The following HPSE2 variants were observed in gnomAD, a reference collection of about 807,000 sequenced individuals.
The protein encoded by HPSE2 is heparanase 2 (inactive).
HPSE2 carries 38 observed loss-of-function variants against 60.5 expected under a neutral mutation model. The ratio of observed to expected loss-of-function variants is 0.63; its 90% CI spans 0.48 to 0.82. The LOEUF is 0.82. Ranked by LOEUF, HPSE2 falls within the 40% of genes least tolerant of loss-of-function variation. HPSE2 has a pLI of 0.00. For missense variants in HPSE2, 713 were observed against 740.4 expected (o/e 0.96, Z 0.43); for synonymous variants, 295 against 293.2 (o/e 1.01, Z -0.06).
chr10:98,806,926 G>A (rs912845343), intron 3 of HPSE2, among the ~76,000 whole-genome samples: 3 of 152,040 alleles, frequency 2.0e-5, no homozygotes, highest in East Asian at 1.9e-4. Context: ...GGCGAATCAC[G>A]AGGTCAGGAG....
intron 7 of HPSE2, among the ~76,000 whole-genome samples, chr10:98,624,934 G>C (rs1946168167): frequency 6.6e-6 from 1 of 152,200 alleles, no homozygotes; most frequent in South Asian, 2.1e-4. Context: ...CTTACGGTTT[G>C]GTGGTAGGAT....
At chr10:99,092,684 C>CAA (rs1449587239) in intron 3 of HPSE2, among the ~76,000 whole-genome samples, 3 of 152,156 alleles carry the variant, frequency 2.0e-5, no homozygotes, top group African/African-American at 4.8e-5. Context: ...GCCTAACATT[C>CAA]AAAGTCAGCC....
chr10:99,002,715 A>C (rs1029184672), intron 3 of HPSE2, among the ~76,000 whole-genome samples: 1 of 152,100 alleles, frequency 6.6e-6, no homozygotes, highest in Non-Finnish European at 1.5e-5. Flanking sequence ...ATATCTATAA[A>C]ATATGGGCTT....
intron 6 of HPSE2, among the ~76,000 whole-genome samples, chr10:98,683,505 G>A (rs564503436): frequency 6.6e-6 from 1 of 151,954 alleles, no homozygotes; most frequent in South Asian, 2.1e-4. Flanking sequence ...AGAAGGCATT[G>A]CATCCAAAAA....
intron 3 of HPSE2, among the ~76,000 whole-genome samples, chr10:98,846,526 G>A (rs1423632864): frequency 2.0e-5 from 3 of 152,096 alleles, no homozygotes; most frequent in Admixed American, 6.6e-5. Context: ...CCAGGAGTAC[G>A]GTAGCATCTG....
At chr10:98,918,075 G>A (rs976874334) in intron 3 of HPSE2, among the ~76,000 whole-genome samples, 20 of 152,216 alleles carry the variant, frequency 1.3e-4, no homozygotes, top group African/African-American at 4.8e-4. Context: ...TGACCCAGTA[G>A]TGAGGCAAGT....
rs369743583 is a variant in HPSE2 at position 98,788,300 on chromosome 10, G to A, written c.611-44244C>T. On this transcript the variant is annotated intron_variant, in intron 3 of 11. Coordinates refer to ENST00000370552, the MANE Select transcript of HPSE2 (RefSeq NM_021828.5). The stretch of plus-strand genomic sequence containing the variant: ...ACCCACTTGAGGAGGCAGTCTGCCC[G>A]TTCTCAGACCTCCAGCTGCGTGCTG... 9.7e-3 allele frequency among the ~76,000 whole-genome samples: 566 copies of A among 58,562 alleles called. 50 individuals are homozygous for A. Among genetic ancestry groups the A allele is most frequent in the African/African-American group, 0.024 (522 of 21,372 alleles). 38.4% of individuals were successfully genotyped at this position (58,562 alleles called of 152,430 possible).
At chr10:98,549,956 T>G (rs1483294681) in intron 9 of HPSE2, among the ~76,000 whole-genome samples, 2 of 151,918 alleles carry the variant, frequency 1.3e-5, no homozygotes, top group Non-Finnish European at 2.9e-5. Flanking sequence ...CCTGGCCTGA[T>G]ACCTGAGAAA....
chr10:99,065,415 C>T (rs1842582268), intron 3 of HPSE2, among the ~76,000 whole-genome samples: 1 of 151,812 alleles, frequency 6.6e-6, no homozygotes, highest in African/African-American at 2.4e-5. Flanking sequence ...AACAAATTTA[C>T]ATTGATTAGT....
At chr10:99,015,862 C>T (rs1957129006) in intron 3 of HPSE2, among the ~76,000 whole-genome samples, 2 of 152,086 alleles carry the variant, frequency 1.3e-5, no homozygotes, top group Admixed American at 1.3e-4. Flanking sequence ...AGTTTCTGTT[C>T]ACTTCCTTTG....
chr10:99,256,161 A>G, the HPSE2 span, among the ~76,000 whole-genome samples: 1 of 151,594 alleles, frequency 6.6e-6, no homozygotes, highest in African/African-American at 2.4e-5. Context: ...ACTGAAGATC[A>G]TAACTCAACA....
the HPSE2 span, among the ~76,000 whole-genome samples, chr10:99,245,780 T>G: frequency 0.078 from 11,838 of 152,268 alleles, 607 homozygotes; most frequent in South Asian, 0.18. Flanking sequence ...CTGCTGGGCA[T>G]AAACTCCAGT....
chr10:98,676,961 T>C (rs526273), intron 6 of HPSE2, among the ~76,000 whole-genome samples: 136,795 of 151,264 alleles, frequency 0.9, 63,195 homozygotes, highest in East Asian at 1. Flanking sequence ...TTAATGGTTC[T>C]CTTTCCTCCC....
chr10:99,263,768 T>C, the HPSE2 span, among the ~76,000 whole-genome samples: 1 of 152,140 alleles, frequency 6.6e-6, no homozygotes, highest in East Asian at 1.9e-4. Flanking sequence ...CACAGGCTCA[T>C]TCTATTCTGT....
chr10:99,124,232 G>A (rs923059182), intron 3 of HPSE2, among the ~76,000 whole-genome samples: 2 of 152,146 alleles, frequency 1.3e-5, no homozygotes, highest in Non-Finnish European at 2.9e-5. Flanking sequence ...GGGTTTTTAC[G>A]GGCTTAGAAG....
intron 3 of HPSE2, among the ~76,000 whole-genome samples, chr10:98,990,208 C>A (rs1956489885): frequency 6.6e-6 from 1 of 152,148 alleles, no homozygotes; most frequent in African/African-American, 2.4e-5. Flanking sequence ...CATCAGTCTG[C>A]AAGAAATTGG....
At chr10:99,237,440 C>T (rs1849887847), upstream of HPSE2, among the ~76,000 whole-genome samples, 1 of 152,132 alleles carries the variant, frequency 6.6e-6, no homozygotes, top group Admixed American at 6.5e-5. Context: ...AATCTGAAAA[C>T]AGCTGGAATA....
At chr10:98,944,970 C>A (rs925384157) in intron 3 of HPSE2, among the ~76,000 whole-genome samples, 4 of 152,104 alleles carry the variant, frequency 2.6e-5, no homozygotes, top group African/African-American at 9.7e-5. Context: ...TATCTATTAA[C>A]GGAGCCTAAG....
At chr10:98,467,070 C>T (rs1359692603) in intron 11 of HPSE2, among the ~76,000 whole-genome samples, 2 of 152,184 alleles carry the variant, frequency 1.3e-5, no homozygotes, top group African/African-American at 2.4e-5. Flanking sequence ...TCCTTCTACC[C>T]GGACCTTTCT....
Sources: gnomAD v4.1 joint callset for allele counts (sites outside exome capture counted in the v4.1 genomes callset) on GRCh38, gnomAD v4.1.1 for gene constraint, MANE v1.5 for transcripts, NCBI Gene and HGNC (gene_info 2026-07-23, HGNC 2026-07-21) for gene names.